Variants in MICAL3 observed in about 807,000 individuals in gnomAD.
MICAL3 encodes the protein [F-actin]-monooxygenase MICAL3.
MICAL3 carries 62 observed loss-of-function variants against 207.4 expected under a neutral mutation model. The observed-to-expected ratio is 0.30, with a 90% CI of 0.24 to 0.37. The LOEUF is 0.37. Ranked by LOEUF, MICAL3 falls within the 10% of genes least tolerant of loss-of-function variation. The probability of loss-of-function intolerance (pLI) is 1.00; values close to 1 mark genes in which losing one functional copy is unlikely to be tolerated. For missense variants in MICAL3, 2,368 were observed against 2,635.6 expected (o/e 0.90, Z 2.22); for synonymous variants, 1,077 against 1,069.3 (o/e 1.01, Z -0.14).
chr22:17,936,226 C>T (rs1389120312), intron 1 of MICAL3, among the ~76,000 whole-genome samples: 4 of 152,206 alleles, frequency 2.6e-5, no homozygotes, highest in African/African-American at 9.7e-5. Context: ...CACACATACA[C>T]CACGGAATAC....
In MICAL3 at chr22:17,841,703, T is replaced by C. The variant is rs1272799985; in HGVS notation, c.2801+119A>G. On this transcript the variant is annotated intron_variant, in intron 20 of 31. Coordinates refer to ENST00000441493, the MANE Select transcript of MICAL3 (RefSeq NM_015241.3). This position sits in a 1 kb window ranked among gnomAD's most constrained non-coding sequence, Gnocchi z 4.2. ...CTAAAAGGGACTGGGGAGAATGGAC[T>C]GCGGGCAGCAGGAAAGACAGGAGGC... The C allele has an allele frequency of 2.0e-6, 2 of 1,011,250 alleles. No individual in the cohort carries two copies. Among genetic ancestry groups the C allele is most frequent in the African/African-American group, 1.6e-5 (1 of 62,734 alleles). 62.6% of individuals were successfully genotyped at this position (1,011,250 alleles called of 1,614,324 possible). A position where few individuals can be genotyped will look rare whatever the true frequency, so the allele number is the denominator to read the frequency against.
chr22:18,004,621 A>G (rs1468021907), intron 1 of MICAL3: 3 of 152,378 alleles, frequency 2.0e-5, no homozygotes, highest in Admixed American at 2.0e-4. Flanking sequence ...AGCAGCAGCC[A>G]CAGCTTACAT....
intron 29 of MICAL3, among the ~76,000 whole-genome samples, chr22:17,791,869 C>T (rs779386465): frequency 6.6e-6 from 1 of 152,236 alleles, no homozygotes; most frequent in Admixed American, 6.5e-5. Flanking sequence ...ATCAAGCTTC[C>T]GGATGCTCTC....
chr22:17,948,985 G>A (rs1481174610), intron 1 of MICAL3, among the ~76,000 whole-genome samples: 2 of 151,104 alleles, frequency 1.3e-5, no homozygotes, highest in African/African-American at 4.9e-5. Flanking sequence ...CAAGGCGGAT[G>A]GATCACTTGA....
intron 21 of MICAL3, among the ~76,000 whole-genome samples, chr22:17,829,215 A>G (rs1283771449): frequency 6.9e-6 from 1 of 145,238 alleles, no homozygotes; most frequent in East Asian, 2.0e-4. Context: ...TGCCCAGGCT[A>G]GAGTGCAATG....
At chr22:17,834,877 C>A (rs968854363) in intron 20 of MICAL3, among the ~76,000 whole-genome samples, 2 of 152,220 alleles carry the variant, frequency 1.3e-5, no homozygotes, top group African/African-American at 2.4e-5. Context: ...TAAAATAAGG[C>A]TAAGGATGCA....
Position 17,832,030 on chromosome 22 carries a change from C to T in MICAL3, c.2879G>A (p.Gly960Asp). 6.2e-7 allele frequency: 1 copy of T among 1,606,358 alleles called. No homozygotes were observed. ...CCGCACGGCCTCCTTCCACGGAACACCACCCAGGTCAGATGGGGGCAGGCG... is the reference window on the plus strand; with the variant it reads ...CCGCACGGCCTCCTTCCACGGAACATCACCCAGGTCAGATGGGGGCAGGCG... ...EPRLPPSDLG[G>D]VPWKEAVRIH... The change falls in exon 21 of 32, where the codon GGT becomes GAT. Residue 960 changes from glycine to aspartate, a missense_variant. Physicochemically the swap from Gly to Asp is moderately conservative, Grantham distance 94. Transcript: ENST00000441493.
Position 17,841,467 on chromosome 22 carries a change from G to C in MICAL3, c.2801+355C>G. ...TCCCTCAAGACGGCCCGGTGCACTG[G>C]TGGCTGAATCACCCAGAGTCCCTCC... is the stretch of plus-strand genomic sequence containing the variant. On this transcript the variant is annotated intron_variant, in intron 20 of 31. Coordinates refer to ENST00000441493, the MANE Select transcript of MICAL3 (RefSeq NM_015241.3). The surrounding 1 kb of genome is among the most constrained non-coding windows in gnomAD (Gnocchi z 4.2). 1 of 462,666 alleles carries C rather than the reference G, an allele frequency of 2.2e-6. No homozygotes were observed. Among genetic ancestry groups the C allele is most frequent in the Non-Finnish European group, 3.9e-6 (1 of 259,126 alleles). The allele number at this position is 462,666 out of a possible 1,614,324, so 28.7% of individuals were successfully genotyped here. A position where few individuals can be genotyped will look rare whatever the true frequency, so the allele number is the denominator to read the frequency against.
chr22:17,982,531 C>G (rs762148709), intron 1 of MICAL3, among the ~76,000 whole-genome samples: 8 of 151,902 alleles, frequency 5.3e-5, no homozygotes, highest in Non-Finnish European at 1.0e-4. Flanking sequence ...ATTAGGCAGG[C>G]GCAGTGTCAG....
intron 27 of MICAL3, chr22:17,814,462 T>G (rs1174357126): frequency 6.6e-6 from 1 of 152,246 alleles, no homozygotes; most frequent in East Asian, 1.9e-4. Context: ...CTTTATCACT[T>G]GCAAGGAACT....
At chr22:17,832,292 A>G (rs1289617733) in intron 20 of MICAL3, among the ~76,000 whole-genome samples, 185 bp from the exon 21 acceptor site, 1 of 152,146 alleles carries the variant, frequency 6.6e-6, no homozygotes, top group Non-Finnish European at 1.5e-5. Flanking sequence ...GAAGCCACCT[A>G]CCCAAGCCCG....
chr22:17,984,704 G>A (rs1466932383), intron 1 of MICAL3, among the ~76,000 whole-genome samples: 2 of 152,172 alleles, frequency 1.3e-5, no homozygotes, highest in African/African-American at 4.8e-5. Context: ...AATAAAAGCT[G>A]TATTTATTAA....
chr22:17,917,140 C>T (rs987827335), intron 1 of MICAL3, among the ~76,000 whole-genome samples: 3 of 151,774 alleles, frequency 2.0e-5, no homozygotes, highest in South Asian at 2.1e-4. Flanking sequence ...TCCTCCCTCC[C>T]GTAGATTTAT....
At chr22:17,905,850 C>T (rs1275795682) in intron 2 of MICAL3, among the ~76,000 whole-genome samples, 1 of 152,196 alleles carries the variant, frequency 6.6e-6, no homozygotes, top group African/African-American at 2.4e-5. Flanking sequence ...TTCGTGGAAA[C>T]CCCATTTCTC....
chr22:17,804,097 A>G (rs1021308895), intron 29 of MICAL3, among the ~76,000 whole-genome samples: 1 of 152,212 alleles, frequency 6.6e-6, no homozygotes, highest in African/African-American at 2.4e-5. Flanking sequence ...GGCGGTAACT[A>G]AAACTCACTG....
chr22:18,020,663 TC>T (rs909197412), intron 1 of MICAL3, among the ~76,000 whole-genome samples: 1 of 143,762 alleles, frequency 7.0e-6, no homozygotes, highest in African/African-American at 2.6e-5. Context: ...ACACCTGTAA[TC>T]CCAGCACTTT....
At chr22:17,905,448 T>C (rs988674363) in intron 2 of MICAL3, among the ~76,000 whole-genome samples, 1 of 152,192 alleles carries the variant, frequency 6.6e-6, no homozygotes, top group African/African-American at 2.4e-5. Flanking sequence ...TGGACACATA[T>C]CTTAAGTAGT....
intron 1 of MICAL3, among the ~76,000 whole-genome samples, chr22:17,967,946 G>A (rs1050245348): frequency 6.6e-6 from 1 of 152,132 alleles, no homozygotes; most frequent in South Asian, 2.1e-4. Flanking sequence ...AGAAGCCTGA[G>A]GCAGGAGAAT....
intron 19 of MICAL3, among the ~76,000 whole-genome samples, chr22:17,847,360 G>T (rs975652154): frequency 6.6e-6 from 1 of 152,234 alleles, no homozygotes; most frequent in African/African-American, 2.4e-5. Flanking sequence ...AAAGAAAGGT[G>T]CTGTGTACAC....
Sources: gnomAD v4.1 joint callset for allele counts (sites outside exome capture counted in the v4.1 genomes callset) on GRCh38, gnomAD v4.1.1 for gene constraint, Gnocchi (gnomAD v3.1) non-coding constraint, MANE v1.5 for transcripts, NCBI Gene and HGNC (gene_info 2026-07-23, HGNC 2026-07-21) for gene names.